The following LRP1 variants were observed in gnomAD, a reference collection of about 807,000 sequenced individuals.
The protein encoded by LRP1 is LDL receptor related protein 1.
LRP1 carries 51 observed loss-of-function variants against 541.5 expected under a neutral mutation model. The ratio of observed to expected loss-of-function variants is 0.09; its 90% CI spans 0.08 to 0.12. LRP1 has a LOEUF of 0.12. LRP1 is among the 10% of genes least tolerant of loss of function. The pLI is 1.00. For synonymous variants in LRP1, 2,219 were observed against 2,470.8 expected, an observed-to-expected ratio of 0.90 and a Z score of 3.02; for missense variants, 3,878 against 6,376.2, an observed-to-expected ratio of 0.61 and a Z score of 13.34.
intron 32 of LRP1, 72 bp downstream of exon 32, chr12:57,180,551 G>T: frequency 1.2e-6 from 2 of 1,607,718 alleles, no homozygotes; most frequent in Middle Eastern, 1.7e-4. Flanking sequence ...ACAGGGGCTG[G>T]CTTGGGGCAG....
rs759621055 is a variant in LRP1, at chr12:57,162,436, C to T, written c.2322C>T (p.Gly774=). 24 of 1,613,930 alleles carry T rather than the reference C, an allele frequency of 1.5e-5. No individual in the cohort carries two copies. Among genetic ancestry groups the T allele is most frequent in the Middle Eastern group, 3.3e-4 (2 of 6,084 alleles). ...ACCGCTTGGAACGGGGTGTAGGAGG[C>T]GCACCCCCCACTGTGACCCTTCTGC... The part of the protein sequence containing the change: ...SVYRLERGVG[G]APPTVTLLRS... Residue 774 remains glycine (G), a synonymous_variant, in exon 14 of 89, where the codon GGC becomes GGT. Coordinates refer to ENST00000243077, the MANE Select transcript of LRP1 (RefSeq NM_002332.3). The surrounding 1 kb of genome is among the most constrained non-coding windows in gnomAD (Gnocchi z 5.2).
Position 57,183,649 on chromosome 12 carries a change from A to C in LRP1, c.5795-126A>C. ...TTGCTACAGCTGCCACCCTGACTCC[A>C]CCTCCCCTTCAAGCACCTGGCCCCT... is the stretch of plus-strand genomic sequence containing the variant. On this transcript the variant is annotated intron_variant, in intron 35 of 88. Transcript: ENST00000243077. The surrounding 1 kb of genome is among the most constrained non-coding windows in gnomAD (Gnocchi z 6.1). 1 of 1,488,268 alleles carries C rather than the reference A, an allele frequency of 6.7e-7. No homozygotes were observed. Among genetic ancestry groups the C allele is most frequent in the East Asian group, 2.4e-5 (1 of 42,492 alleles). The allele number at this position is 1,488,268 out of a possible 1,614,324, so 92.2% of individuals were successfully genotyped here. A position where few individuals can be genotyped will look rare whatever the true frequency, so the allele number is the denominator to read the frequency against.
Position 57,154,811 on chromosome 12 carries a change from C to A in LRP1, c.1227+110C>A, listed in dbSNP as rs533659220. On this transcript the variant is annotated intron_variant, in intron 8 of 88. Coordinates refer to ENST00000243077, the MANE Select transcript of LRP1 (RefSeq NM_002332.3). The surrounding 1 kb of genome is among the most constrained non-coding windows in gnomAD (Gnocchi z 4.6). ...GTTCTCTGAGTCTCCTGGTAAAGAG[C>A]GTGGATGCCCCAGGCCTCTAGTGGG... 98 of 1,006,064 alleles carry A rather than the reference C, an allele frequency of 9.7e-5. No homozygotes were observed. The highest frequency in any genetic ancestry group is 2.0e-4 in the Admixed American group (10 of 50,192). 62.3% of individuals were successfully genotyped at this position (1,006,064 alleles called of 1,614,324 possible). A position where few individuals can be genotyped will look rare whatever the true frequency, so the allele number is the denominator to read the frequency against.
chr12:57,161,480 AG>A (rs2035732560), intron 13 of LRP1, among the ~76,000 whole-genome samples: 1 of 152,046 alleles, frequency 6.6e-6, no homozygotes, highest in Non-Finnish European at 1.5e-5. Context: ...TGCAAGTGTG[AG>A]GGCCTAGGGA....
At position 57,201,394 on chromosome 12, in the gene LRP1, C is replaced by T; in HGVS notation, c.10346-103C>T. 1 of 1,503,572 alleles carries T rather than the reference C, an allele frequency of 6.7e-7. No homozygotes were observed. The highest frequency in any genetic ancestry group is 9.0e-7 in the Non-Finnish European group (1 of 1,116,168). The allele number at this position is 1,503,572 out of a possible 1,614,324, so 93.1% of individuals were successfully genotyped here. A position where few individuals can be genotyped will look rare whatever the true frequency, so the allele number is the denominator to read the frequency against. ...ACTGTTCCTTCCTCCGAAGAAGTTG[C>T]TGGCAGGACCAAGGCCAGGGCTTGG... On this transcript the variant is annotated intron_variant, in intron 65 of 88. Coordinates refer to ENST00000243077, the MANE Select transcript of LRP1 (RefSeq NM_002332.3). The surrounding 1 kb of genome is among the most constrained non-coding windows in gnomAD (Gnocchi z 6.4).
In LRP1 at chr12:57,191,446, C is replaced by T; in HGVS notation, c.7363C>T (p.Leu2455=). ...CAAGCACGTGGGCAGCAACATGAAG[C>T]TGCTGCGCGTGGACATCCCCCAGCA... ...ANKHVGSNMK[L]LRVDIPQQPM... Residue 2455 remains leucine (L), a synonymous_variant, in exon 44 of 89, where the codon CTG becomes TTG. Coordinates refer to ENST00000243077, the MANE Select transcript of LRP1 (RefSeq NM_002332.3). 1 of 1,612,700 alleles carries T rather than the reference C, an allele frequency of 6.2e-7. No individual in the cohort carries two copies. Among genetic ancestry groups the T allele is most frequent in the Non-Finnish European group, 8.5e-7 (1 of 1,179,054 alleles).
Position 57,184,769 on chromosome 12 carries a change from C to T in LRP1, c.6187-70C>T. On this transcript the variant is annotated intron_variant, in intron 38 of 88. Transcript: ENST00000243077. The surrounding 1 kb of genome is among the most constrained non-coding windows in gnomAD (Gnocchi z 7.8). ...GGCCTCACTCTGGCCCAGGCACTCC[C>T]TGCTGCCCCAGACATGGGGCTGGCA... The T allele has an allele frequency of 6.5e-7, 1 of 1,537,320 alleles. No individual in the cohort carries two copies. Among genetic ancestry groups the T allele is most frequent in the Non-Finnish European group, 8.8e-7 (1 of 1,130,134 alleles).
chr12:57,202,091 C>A, intron 67 of LRP1, 186 bp downstream of exon 67: 1 of 721,178 alleles, frequency 1.4e-6, no homozygotes. Flanking sequence ...CCACATCCAC[C>A]CGTGCCCCAT....
At chr12:57,129,765 C>T (rs1437666821) in intron 1 of LRP1, among the ~76,000 whole-genome samples, 1 of 152,088 alleles carries the variant, frequency 6.6e-6, no homozygotes, top group African/African-American at 2.4e-5. Context: ...CAGATGTCAT[C>T]ACTGGGGAAG....
Position 57,154,781 on chromosome 12 carries a change from G to C in LRP1, c.1227+80G>C. 7.6e-7 allele frequency: 1 copy of C among 1,317,950 alleles called. No individual in the cohort carries two copies. Among genetic ancestry groups the C allele is most frequent in the Non-Finnish European group, 1.1e-6 (1 of 938,592 alleles). The allele number at this position is 1,317,950 out of a possible 1,614,324, so 81.6% of individuals were successfully genotyped here. ...GGTGAGGGGGGAAGCCTCTGTAGGG[G>C]AACCGTTCTCTGAGTCTCCTGGTAA... On this transcript the variant is annotated intron_variant, in intron 8 of 88. Coordinates refer to ENST00000243077, the MANE Select transcript of LRP1 (RefSeq NM_002332.3). This position sits in a 1 kb window ranked among gnomAD's most constrained non-coding sequence, Gnocchi z 4.6.
At chr12:57,137,161 A>C (rs2136654117) in intron 1 of LRP1, among the ~76,000 whole-genome samples, 1 of 152,172 alleles carries the variant, frequency 6.6e-6, no homozygotes, top group South Asian at 2.1e-4. Context: ...GAATCACTTG[A>C]ACCCGGGAGG....
intron 20 of LRP1, among the ~76,000 whole-genome samples, chr12:57,172,632 C>T (rs1044402880): frequency 2.0e-5 from 3 of 152,196 alleles, no homozygotes; most frequent in Non-Finnish European, 4.4e-5. Flanking sequence ...CTTCCCTGAC[C>T]ATCTTACCTG....
chr12:57,145,341 C>T lies in LRP1; in HGVS notation c.692C>T (p.Thr231Ile). ...TITPTSTRQT[T>I]AMDFSYANET... is the part of the protein sequence containing the mutation. ...ACACCTACGAGCACGCGGCAGACCA[C>T]AGCCATGGACTTCAGCTATGCCAAC... The change falls in exon 6 of 89, where the codon ACA (threonine) becomes ATA (isoleucine). Residue 231 changes from threonine to isoleucine, a missense_variant. Thr to Ile is a moderately conservative substitution (Grantham distance 89). Coordinates refer to ENST00000243077, the MANE Select transcript of LRP1 (RefSeq NM_002332.3). 1 of 1,614,206 alleles carries T rather than the reference C, an allele frequency of 6.2e-7. No homozygotes were observed. Among genetic ancestry groups the T allele is most frequent in the Non-Finnish European group, 8.5e-7 (1 of 1,180,038 alleles).
chr12:57,158,748 C>G lies in LRP1; in HGVS notation c.1798+110C>G. 1.0e-6 allele frequency: 1 copy of G among 977,662 alleles called. No homozygotes were observed. The highest frequency in any genetic ancestry group is 1.6e-6 in the Non-Finnish European group (1 of 636,126). 60.6% of individuals were successfully genotyped at this position (977,662 alleles called of 1,614,324 possible). On this transcript the variant is annotated intron_variant, in intron 11 of 88. Coordinates refer to ENST00000243077, the MANE Select transcript of LRP1 (RefSeq NM_002332.3). The surrounding 1 kb of genome is among the most constrained non-coding windows in gnomAD (Gnocchi z 5.3). Reference sequence around the variant, plus strand: ...TGGTCCCCTGCTGACTGGCTGGCTGCACTGGTTGGCATGGAGATGAGGGGA... The same window carrying G: ...TGGTCCCCTGCTGACTGGCTGGCTGGACTGGTTGGCATGGAGATGAGGGGA...
intron 42 of LRP1, among the ~76,000 whole-genome samples, chr12:57,188,524 C>G (rs148133705): frequency 6.6e-6 from 1 of 152,170 alleles, no homozygotes; most frequent in Non-Finnish European, 1.5e-5. Flanking sequence ...TCCAGTCCCC[C>G]CTTCCATGAC....
intron 42 of LRP1, among the ~76,000 whole-genome samples, chr12:57,188,414 C>T (rs1254715260): frequency 1.3e-5 from 2 of 152,196 alleles, no homozygotes; most frequent in Admixed American, 6.5e-5. Context: ...CCAGATTCCC[C>T]CCACCAGTCC....
In LRP1 at chr12:57,184,458, C is replaced by T. The variant is rs755694490; in HGVS notation, c.6186+6C>T. ...GCATCTCAGTGGACTACCAGGTTCG[C>T]ACGCCAACTTGGCCTTGGATCCGAT... On this transcript the variant is annotated splice_donor_region_variant and intron_variant, in intron 38 of 88. Transcript: ENST00000243077. The surrounding 1 kb of genome is among the most constrained non-coding windows in gnomAD (Gnocchi z 7.8). 5.0e-6 allele frequency: 8 copies of T among 1,614,206 alleles called. No individual in the cohort carries two copies. Among genetic ancestry groups the T allele is most frequent in the Non-Finnish European group, 6.8e-6 (8 of 1,180,032 alleles).
intron 43 of LRP1, 107 bp from the exon 44 acceptor site, chr12:57,191,213 C>T (rs1048109339): frequency 2.5e-5 from 30 of 1,209,282 alleles, no homozygotes; most frequent in Middle Eastern, 3.9e-4. Flanking sequence ...GATGCCTCTG[C>T]GGGCCCTCAT....
chr12:57,204,393 G>T lies in LRP1; in HGVS notation c.10952-17G>T. 1 of 1,514,380 alleles carries T rather than the reference G, an allele frequency of 6.6e-7. No individual in the cohort carries two copies. Among genetic ancestry groups the T allele is most frequent in the Non-Finnish European group, 8.8e-7 (1 of 1,130,256 alleles). The allele number at this position is 1,514,380 out of a possible 1,614,324, so 93.8% of individuals were successfully genotyped here. ...GGCTCATGGCTCATTCTATCTCTTG[G>T]CTCCCCCTGGCACCAGTGCGGACCT... On this transcript the variant is annotated splice_polypyrimidine_tract_variant and intron_variant, in intron 70 of 88. Transcript: ENST00000243077. This position sits in a 1 kb window ranked among gnomAD's most constrained non-coding sequence, Gnocchi z 5.3.
Sources: allele counts gnomAD v4.1 joint callset (sites outside exome capture counted in the v4.1 genomes callset), GRCh38; gene constraint gnomAD v4.1.1; non-coding constraint Gnocchi (gnomAD v3.1); transcripts MANE v1.5; gene names NCBI Gene and HGNC (gene_info 2026-07-23, HGNC 2026-07-21).